The following KALRN variants were observed in gnomAD, a reference collection of about 807,000 sequenced individuals.
The protein encoded by KALRN is kalirin RhoGEF kinase.
KALRN carries 70 observed loss-of-function variants against 353.7 expected under a neutral mutation model. That is an observed-to-expected ratio of 0.20 (90% CI 0.16 to 0.24). KALRN has a LOEUF of 0.24. Among genes scored for constraint, KALRN ranks in the 10% least tolerant of loss-of-function variants. The pLI, the probability that KALRN is intolerant of heterozygous loss-of-function variation, is 1.00. For missense variants in KALRN, 2,791 were observed against 3,756.7 expected (o/e 0.74, Z 6.72); for synonymous variants, 1,391 against 1,434.8 (o/e 0.97, Z 0.69).
intron 59 of KALRN, 117 bp from the exon 60 acceptor site, chr3:124,718,808 C>T (rs955368800): frequency 1.0e-5 from 10 of 959,112 alleles, no homozygotes; most frequent in Middle Eastern, 2.4e-4. Context: ...TTTCTGTACA[C>T]CATAGGCTTT....
intron 21 of KALRN, among the ~76,000 whole-genome samples, chr3:124,450,361 A>G (rs909402978): frequency 6.6e-6 from 1 of 152,210 alleles, no homozygotes. Flanking sequence ...CCTTGAGATA[A>G]ACTGGACTTA....
At chr3:124,168,699 T>C (rs2071263876) in intron 1 of KALRN, among the ~76,000 whole-genome samples, 1 of 152,226 alleles carries the variant, frequency 6.6e-6, no homozygotes, top group Non-Finnish European at 1.5e-5. Context: ...CTTTGCATCA[T>C]AGTTTTAACT....
At chr3:124,170,809 A>G (rs1467316801) in intron 1 of KALRN, among the ~76,000 whole-genome samples, 1 of 136,580 alleles carries the variant, frequency 7.3e-6, no homozygotes, top group Non-Finnish European at 1.5e-5. Flanking sequence ...CATACTTTAT[A>G]AACTCCTTCC....
chr3:124,660,867 C>A, intron 43 of KALRN, 56 bp from the exon 44 acceptor site: 1 of 1,226,154 alleles, frequency 8.2e-7, no homozygotes, highest in Non-Finnish European at 1.2e-6. Flanking sequence ...TTTTTCCCAG[C>A]TATTTTACTA....
intron 1 of KALRN, among the ~76,000 whole-genome samples, chr3:124,074,479 T>A (rs1308021052): frequency 6.6e-6 from 1 of 152,212 alleles, no homozygotes; most frequent in Non-Finnish European, 1.5e-5. Context: ...TTTCCAGGCA[T>A]ACGTAAGTTT....
At chr3:124,105,052 T>C (rs1263056315) in intron 1 of KALRN, among the ~76,000 whole-genome samples, 1 of 152,012 alleles carries the variant, frequency 6.6e-6, no homozygotes, top group Non-Finnish European at 1.5e-5. Flanking sequence ...TCTTTAAAGA[T>C]GAATCTGAAT....
At chr3:124,342,430 C>T (rs1475604440) in intron 9 of KALRN, among the ~76,000 whole-genome samples, 2 of 152,142 alleles carry the variant, frequency 1.3e-5, no homozygotes, top group South Asian at 2.1e-4. Context: ...CTGTACTTGA[C>T]TTGTTTTACT....
intron 49 of KALRN, 27 bp from the exon 50 acceptor site, chr3:124,678,163 T>C: frequency 6.2e-7 from 1 of 1,611,366 alleles, no homozygotes; most frequent in Non-Finnish European, 8.5e-7. Flanking sequence ...CCTGCCATTT[T>C]GATTGGTGCA....
chr3:124,628,465 C>T (rs994461546), intron 34 of KALRN, among the ~76,000 whole-genome samples: 2 of 104,854 alleles, frequency 1.9e-5, no homozygotes, highest in Non-Finnish European at 4.1e-5. Flanking sequence ...CCCCTCCTTC[C>T]CTTCCTTCCC....
chr3:124,221,827 A>T (rs553701434), intron 1 of KALRN, among the ~76,000 whole-genome samples: 29 of 152,300 alleles, frequency 1.9e-4, no homozygotes, highest in Non-Finnish European at 4.1e-4. Flanking sequence ...GCTTCCTGGT[A>T]TTGGGGGAAA....
At chr3:124,417,076 A>G (rs1265583955) in intron 14 of KALRN, among the ~76,000 whole-genome samples, 1 of 152,212 alleles carries the variant, frequency 6.6e-6, no homozygotes, top group Non-Finnish European at 1.5e-5. Context: ...GCTCAGGAAT[A>G]GAGTAAACAG....
intron 1 of KALRN, among the ~76,000 whole-genome samples, chr3:124,189,303 A>T (rs984561920): frequency 6.6e-6 from 1 of 152,172 alleles, no homozygotes; most frequent in African/African-American, 2.4e-5. Flanking sequence ...TGGAGTGGAG[A>T]GTGTTCTGAG....
At chr3:124,194,832 G>C (rs947011135) in intron 1 of KALRN, among the ~76,000 whole-genome samples, 1 of 152,212 alleles carries the variant, frequency 6.6e-6, no homozygotes, top group African/African-American at 2.4e-5. Context: ...CCCTTTCTGG[G>C]TGGGCCCTTA....
intron 47 of KALRN, among the ~76,000 whole-genome samples, chr3:124,668,884 T>C (rs1027288118): frequency 1.3e-5 from 2 of 152,238 alleles, no homozygotes; most frequent in African/African-American, 4.8e-5. Context: ...AATTGCATTC[T>C]ATTAGGAGTT....
intron 57 of KALRN, among the ~76,000 whole-genome samples, chr3:124,704,410 C>G (rs896384952): frequency 6.6e-6 from 1 of 152,164 alleles, no homozygotes; most frequent in African/African-American, 2.4e-5. Flanking sequence ...CAAAAGTAAT[C>G]GATGTTTTTG....
chr3:124,398,000 T>G (rs1166446220), intron 12 of KALRN, among the ~76,000 whole-genome samples: 3 of 152,212 alleles, frequency 2.0e-5, no homozygotes, highest in Non-Finnish European at 4.4e-5. Flanking sequence ...GCAGAAATTA[T>G]TAAGTCCACT....
chr3:124,492,635 G>A (rs777436055), intron 31 of KALRN, 105 bp from the exon 32 acceptor site: 5 of 1,212,618 alleles, frequency 4.1e-6, no homozygotes, highest in Non-Finnish European at 4.6e-6. Flanking sequence ...CCAGACATTT[G>A]GAATCCTTGA....
In KALRN at chr3:124,623,421, C is replaced by CAA. The variant is rs1280740415; in HGVS notation, c.5183-8998_5183-8997insAA. Among the ~76,000 whole-genome samples the CAA allele has an allele frequency of 8.8e-4, 131 of 149,066 alleles. 2 individuals are homozygous for CAA. The highest frequency in any genetic ancestry group is 7.1e-3 in the Middle Eastern group (2 of 280). ...TTATACACACACACACACACACACA[C>CAA]ACACACAAAAGGGAGTTTATTAACT... On this transcript the variant is annotated intron_variant, in intron 34 of 59. Transcript: ENST00000682506.
intron 1 of KALRN, among the ~76,000 whole-genome samples, chr3:124,083,395 A>G (rs2060641924): frequency 6.6e-6 from 1 of 152,120 alleles, no homozygotes; most frequent in Non-Finnish European, 1.5e-5. Flanking sequence ...AGACCTGAAG[A>G]ATTAACACAG....
Sources: allele counts gnomAD v4.1 joint callset (sites outside exome capture counted in the v4.1 genomes callset), GRCh38; gene constraint gnomAD v4.1.1; transcripts MANE v1.5; gene names NCBI Gene and HGNC (gene_info 2026-07-23, HGNC 2026-07-21).